CDH8: variants seen among roughly 807,000 people sequenced by gnomAD.
CDH8 encodes cadherin 8.
Under a neutral mutation model 68.1 loss-of-function variants are expected in CDH8, and 17 were observed. The ratio of observed to expected loss-of-function variants is 0.25; its 90% CI spans 0.17 to 0.37. The LOEUF (loss-of-function observed/expected upper bound fraction) is 0.37. Ranked by LOEUF, CDH8 falls within the 10% of genes least tolerant of loss-of-function variation. The probability of loss-of-function intolerance (pLI) is 1.00; values close to 1 mark genes in which losing one functional copy is unlikely to be tolerated. For missense variants in CDH8, 763 were observed against 999.3 expected (o/e 0.76, Z 3.19); for synonymous variants, 372 against 365.1 (o/e 1.02, Z -0.21).
At chr16:61,788,866 A>C (rs1375916558) in intron 8 of CDH8, among the ~76,000 whole-genome samples, 2 of 151,994 alleles carry the variant, frequency 1.3e-5, no homozygotes, top group African/African-American at 4.8e-5. Flanking sequence ...AAAAACAAAA[A>C]ATTATCTATA....
rs558342618 is a variant in CDH8 at position 61,923,248 on chromosome 16, C to T, written c.253-21775G>A. 1.1e-4 allele frequency among the ~76,000 whole-genome samples: 16 copies of T among 152,256 alleles called. No individual in the cohort carries two copies. In the South Asian group the frequency reaches 3.3e-3, roughly 32 times the overall value. On this transcript the variant is annotated intron_variant, in intron 2 of 11. Transcript: ENST00000577390. The stretch of plus-strand genomic sequence containing the variant: ...AAATTAGATAGCTTGAGGATTAGAA[C>T]ACAGGCGTCTTCATTCCAAATTCAA...
At chr16:61,754,244 G>A (rs987669206) in intron 8 of CDH8, among the ~76,000 whole-genome samples, 1 of 152,038 alleles carries the variant, frequency 6.6e-6, no homozygotes, top group African/African-American at 2.4e-5. Context: ...TTAGCATTTT[G>A]TTCCAAAATA....
At chr16:61,727,961 A>G (rs1959424153) in intron 8 of CDH8, among the ~76,000 whole-genome samples, 2 of 151,154 alleles carry the variant, frequency 1.3e-5, no homozygotes, top group African/African-American at 4.8e-5. Flanking sequence ...AAGGAGATCT[A>G]GTCCATTAAT....
At chr16:61,880,396 T>C (rs185371389) in intron 3 of CDH8, among the ~76,000 whole-genome samples, 44 of 152,290 alleles carry the variant, frequency 2.9e-4, no homozygotes, top group Non-Finnish European at 5.3e-4. Context: ...GATGTGAAGA[T>C]GTTGGCATGA....
chr16:62,021,044 C>T, intron 2 of CDH8, 108 bp downstream of exon 2: 1 of 968,292 alleles, frequency 1.0e-6, no homozygotes, highest in Non-Finnish European at 1.6e-6. Context: ...AAACATCTGG[C>T]TTGAACAATT....
intron 7 of CDH8, among the ~76,000 whole-genome samples, chr16:61,809,811 G>A (rs962906398): frequency 6.6e-6 from 1 of 152,102 alleles, no homozygotes; most frequent in African/African-American, 2.4e-5. Flanking sequence ...AATCAAAGAT[G>A]CTACTTACAT....
chr16:61,842,552 G>T (rs1418739298), intron 4 of CDH8, among the ~76,000 whole-genome samples: 1 of 152,054 alleles, frequency 6.6e-6, no homozygotes, highest in Non-Finnish European at 1.5e-5. Context: ...TCCAGTCTGT[G>T]GTATTCTGTT....
At chr16:62,019,529 A>G (rs1256668780) in intron 2 of CDH8, among the ~76,000 whole-genome samples, 1 of 152,216 alleles carries the variant, frequency 6.6e-6, no homozygotes, top group Admixed American at 6.5e-5. Flanking sequence ...ATTAAGGTAT[A>G]TAAACTATAT....
intron 10 of CDH8, among the ~76,000 whole-genome samples, chr16:61,668,134 T>A (rs932749450): frequency 6.6e-6 from 1 of 151,878 alleles, no homozygotes; most frequent in South Asian, 2.1e-4. Flanking sequence ...CACTATACTC[T>A]ATAGATCTAA....
At chr16:61,748,649 T>G (rs1463672330) in intron 8 of CDH8, among the ~76,000 whole-genome samples, 1 of 151,998 alleles carries the variant, frequency 6.6e-6, no homozygotes, top group Admixed American at 6.6e-5. Context: ...CAAATTCCTG[T>G]CTCTCATGCT....
At chr16:61,657,172 T>C (rs1267019934) in intron 10 of CDH8, among the ~76,000 whole-genome samples, 1 of 152,020 alleles carries the variant, frequency 6.6e-6, no homozygotes, top group African/African-American at 2.4e-5. Context: ...ATCATCAGTA[T>C]CCTATTGGTT....
chr16:62,002,733 G>A (rs1965911764), intron 2 of CDH8, among the ~76,000 whole-genome samples: 1 of 152,098 alleles, frequency 6.6e-6, no homozygotes. Flanking sequence ...TTTATCTTAG[G>A]TAAAGGATCT....
At chr16:61,822,842 T>C (rs1355957599) in intron 5 of CDH8, among the ~76,000 whole-genome samples, 1 of 151,674 alleles carries the variant, frequency 6.6e-6, no homozygotes, top group East Asian at 2.0e-4. Flanking sequence ...ACATGGGGAG[T>C]CTTGGGAAGC....
Position 61,653,137 on chromosome 16 carries a change from T to C in CDH8, c.*471A>G. On this transcript the variant is annotated 3_prime_UTR_variant, in exon 12 of 12. Transcript: ENST00000577390. ...GTTATAATGTACAGCAGACCAAGTA[T>C]TGCTTTATCATTTGTGGCGGGATCC... 8.1e-7 allele frequency: 1 copy of C among 1,238,688 alleles called. No homozygotes were observed. The highest frequency in any genetic ancestry group is 1.0e-6 in the Non-Finnish European group (1 of 992,130). The allele number at this position is 1,238,688 out of a possible 1,614,324, so 76.7% of individuals were successfully genotyped here. A position where few individuals can be genotyped will look rare whatever the true frequency, so the allele number is the denominator to read the frequency against.
intron 10 of CDH8, among the ~76,000 whole-genome samples, chr16:61,673,076 G>A (rs1596852919): frequency 6.6e-6 from 1 of 152,094 alleles, no homozygotes; most frequent in East Asian, 1.9e-4. Flanking sequence ...TAGAAGACAA[G>A]ACTGTTAGTT....
At chr16:61,778,834 A>T (rs1426213416) in intron 8 of CDH8, among the ~76,000 whole-genome samples, 1 of 152,154 alleles carries the variant, frequency 6.6e-6, no homozygotes, top group Non-Finnish European at 1.5e-5. Flanking sequence ...CTAAACAATG[A>T]ACTGCCTATA....
chr16:61,869,302 T>C (rs4784167), intron 3 of CDH8, among the ~76,000 whole-genome samples: 32,247 of 151,836 alleles, frequency 0.21, 3,890 homozygotes, highest in African/African-American at 0.33. Context: ...GAAAGAAACA[T>C]TATTGCCTAG....
chr16:61,819,101 C>G (rs1483873424), intron 6 of CDH8, among the ~76,000 whole-genome samples: 1 of 152,010 alleles, frequency 6.6e-6, no homozygotes, highest in African/African-American at 2.4e-5. Flanking sequence ...ATTTCAAATT[C>G]TTCACAAACA....
At chr16:61,725,673 C>T (rs974730517) in intron 9 of CDH8, 1 of 150,700 alleles carries the variant, frequency 6.6e-6, no homozygotes, top group Non-Finnish European at 1.5e-5. Context: ...TAAACATATA[C>T]ACACTCCCTT....
Sources: allele counts gnomAD v4.1 joint callset (sites outside exome capture counted in the v4.1 genomes callset), GRCh38; gene constraint gnomAD v4.1.1; transcripts MANE v1.5; gene names NCBI Gene and HGNC (gene_info 2026-07-23, HGNC 2026-07-21).